EEF2K: variants seen among roughly 807,000 people sequenced by gnomAD.
The protein encoded by EEF2K is eukaryotic elongation factor 2 kinase, also known as alternative protein EEF2K.
In EEF2K, 70 loss-of-function variants were observed where a neutral mutation model predicts 93.8. That is an observed-to-expected ratio of 0.75 (90% CI 0.62 to 0.91). The LOEUF (loss-of-function observed/expected upper bound fraction) is 0.91, where lower values mean the gene tolerates loss of function less well. EEF2K is among the 40% of genes least tolerant of loss of function. The pLI is 0.00. For synonymous variants in EEF2K, 376 were observed against 380.8 expected (o/e 0.99, Z 0.15); for missense variants, 935 against 972.9 (o/e 0.96, Z 0.52).
intron 16 of EEF2K, among the ~76,000 whole-genome samples, chr16:22,276,071 C>A (rs1433160383): frequency 6.6e-6 from 1 of 152,090 alleles, no homozygotes; most frequent in East Asian, 1.9e-4. Context: ...AAGCCTCCTG[C>A]GTAGCTGGGA....
intron 17 of EEF2K, among the ~76,000 whole-genome samples, chr16:22,282,872 T>C (rs141658813): frequency 6.6e-6 from 1 of 152,344 alleles, no homozygotes; most frequent in African/African-American, 2.4e-5. Flanking sequence ...GTTCAACATA[T>C]GAATTTGTGG....
rs956373167 is a variant in EEF2K at position 22,227,041 on chromosome 16, T to C, written c.246+1066T>C. ...TGGTGAAACTCCATCTCTACTAAAA[T>C]ACAAAAAATTAGCCGGGTGTGGTGG... On this transcript the variant is annotated intron_variant, in intron 2 of 17. Coordinates refer to ENST00000263026, the MANE Select transcript of EEF2K (RefSeq NM_013302.5). 2.6e-5 allele frequency among the ~76,000 whole-genome samples: 4 copies of C among 151,904 alleles called. 1 individual carries two copies. The highest frequency in any genetic ancestry group is 6.6e-5 in the Admixed American group (1 of 15,244).
chr16:22,268,956 C>CA (rs528308134), intron 15 of EEF2K, among the ~76,000 whole-genome samples: 10,587 of 141,140 alleles, frequency 0.075, 1,202 homozygotes, highest in African/African-American at 0.25. Context: ...GACTCCATCT[C>CA]AAAAAAAAAA....
rs370323679 is a variant in EEF2K, at chr16:22,256,593, G to A, written c.619-155G>A. ...AAAGGAAAAGAGGAGATTAGATTCT[G>A]GGCATCATCAGGAGCTCCTACAATA... On this transcript the variant is annotated intron_variant, in intron 6 of 17. Coordinates refer to ENST00000263026, the MANE Select transcript of EEF2K (RefSeq NM_013302.5). Among the ~76,000 whole-genome samples, 20 of 152,166 alleles carry A rather than the reference G, an allele frequency of 1.3e-4. No individual in the cohort carries two copies. In the East Asian group the frequency reaches 2.3e-3, roughly 18 times the overall value.
chr16:22,284,049 T>TA lies in EEF2K; in HGVS notation c.*60dup, dbSNP rs1555476224. The TA allele has an allele frequency of 4.2e-6, 6 of 1,435,384 alleles. No homozygotes were observed. The highest frequency in any genetic ancestry group is 1.3e-5 in the South Asian group (1 of 79,324). 88.9% of individuals were successfully genotyped at this position (1,435,384 alleles called of 1,614,324 possible). A position where few individuals can be genotyped will look rare whatever the true frequency, so the allele number is the denominator to read the frequency against. The stretch of plus-strand genomic sequence containing the variant: ...AAGCAAACGGGCTAGGAGGAAAGAT[T>TA]AAAAAAACAACAACAACAACTTATT... On this transcript the variant is annotated 3_prime_UTR_variant, in exon 18 of 18. Coordinates refer to ENST00000263026, the MANE Select transcript of EEF2K (RefSeq NM_013302.5).
At chr16:22,276,378 A>T (rs2047635368) in intron 16 of EEF2K, among the ~76,000 whole-genome samples, 1 of 152,106 alleles carries the variant, frequency 6.6e-6, no homozygotes, top group South Asian at 2.1e-4. Context: ...ATTTAGTTAA[A>T]ATCTATCAAA....
At chr16:22,220,939 C>T (rs887889112) in intron 1 of EEF2K, among the ~76,000 whole-genome samples, 3 of 152,272 alleles carry the variant, frequency 2.0e-5, no homozygotes, top group East Asian at 1.9e-4. Flanking sequence ...GCAGAGTAGG[C>T]GCTGGGGCTG....
intron 15 of EEF2K, among the ~76,000 whole-genome samples, chr16:22,271,942 C>T (rs1000257391): frequency 7.2e-5 from 11 of 152,282 alleles, no homozygotes; most frequent in African/African-American, 2.6e-4. Context: ...CTGATGTGAG[C>T]GACCTCCTTC....
intron 1 of EEF2K, among the ~76,000 whole-genome samples, chr16:22,219,124 A>AG (rs1308596765): frequency 6.6e-6 from 1 of 152,064 alleles, no homozygotes; most frequent in African/African-American, 2.4e-5. Context: ...AGAGACCCCT[A>AG]GGAGGCTGGG....
At chr16:22,273,574 G>A (rs377658644) in intron 15 of EEF2K, 52 bp from the exon 16 acceptor site, 64 of 1,597,750 alleles carry the variant, frequency 4.0e-5, no homozygotes, top group East Asian at 2.0e-4. Context: ...GGCAGCCCTC[G>A]AGTGTAAGCC....
Position 22,222,039 on chromosome 16 carries a change from C to T in EEF2K, c.-76-3615C>T, listed in dbSNP as rs531723744. 6.6e-4 allele frequency among the ~76,000 whole-genome samples: 100 copies of T among 152,202 alleles called. 1 individual carries two copies. Among genetic ancestry groups the T allele is most frequent in the Non-Finnish European group, 5.9e-5 (4 of 68,014 alleles). ...GAGCCAAGATTGTGCCACCCCACTC[C>T]AGCCTGGGCAACAGAGCAAGACTCT... On this transcript the variant is annotated intron_variant, in intron 1 of 17. Transcript: ENST00000263026.
At position 22,244,685 on chromosome 16, in the gene EEF2K, AG is replaced by A. The variant is rs1269599538; in HGVS notation, c.303del (p.Glu101AspfsTer30). Reference sequence around the variant, plus strand: ...AAGCACATGCCCGACCCCTGGGCTGAGTTCCACCTGGAAGATATTGCCACCG... The same window carrying A: ...AAGCACATGCCCGACCCCTGGGCTGATTCCACCTGGAAGATATTGCCACCG... Reference protein sequence around the residue: ...KAKHMPDPWAEFHLEDIATER... With the variant: ...KAKHMPDPWAXFHLEDIATER... On this transcript the variant is annotated frameshift_variant, in exon 3 of 18. Coordinates refer to ENST00000263026, the MANE Select transcript of EEF2K (RefSeq NM_013302.5). LOFTEE classifies it high-confidence loss of function. 6.2e-7 allele frequency: 1 copy of A among 1,614,070 alleles called. No individual in the cohort carries two copies. The highest frequency in any genetic ancestry group is 8.5e-7 in the Non-Finnish European group (1 of 1,179,968).
intron 13 of EEF2K, 183 bp downstream of exon 13, chr16:22,265,063 G>A (rs2047504151): frequency 1.6e-6 from 1 of 626,148 alleles, no homozygotes; most frequent in Non-Finnish European, 2.7e-6. Context: ...GCAGGATGCT[G>A]GGGGATTTGT....
At chr16:22,231,002 C>G (rs1210000195) in intron 2 of EEF2K, among the ~76,000 whole-genome samples, 1 of 151,850 alleles carries the variant, frequency 6.6e-6, no homozygotes, top group Non-Finnish European at 1.5e-5. Context: ...GCCTTTGGCA[C>G]AAGCCTGGTC....
At chr16:22,253,166 C>A (rs2047367443) in intron 6 of EEF2K, among the ~76,000 whole-genome samples, 2 of 152,118 alleles carry the variant, frequency 1.3e-5, no homozygotes, top group South Asian at 4.1e-4. Context: ...TCATTTGAGC[C>A]CCTAGGGTGA....
chr16:22,230,938 C>G (rs958782823), intron 2 of EEF2K, among the ~76,000 whole-genome samples: 4 of 149,916 alleles, frequency 2.7e-5, no homozygotes, highest in African/African-American at 9.8e-5. Context: ...TGATTTCACT[C>G]TAAAACAGTG....
intron 1 of EEF2K, among the ~76,000 whole-genome samples, chr16:22,220,746 T>G (rs1213432378): frequency 6.6e-6 from 1 of 152,118 alleles, no homozygotes; most frequent in African/African-American, 2.4e-5. Context: ...CGCCTGGCCC[T>G]GGATCTGAGC....
chr16:22,283,407 T>C (rs527252021), intron 17 of EEF2K, among the ~76,000 whole-genome samples: 1 of 152,266 alleles, frequency 6.6e-6, no homozygotes, highest in African/African-American at 2.4e-5. Context: ...CTGAAGTATA[T>C]TTGTATGTTT....
At chr16:22,250,464 G>T (rs1161410423) in intron 4 of EEF2K, among the ~76,000 whole-genome samples, 190 bp from the exon 5 acceptor site, 1 of 152,062 alleles carries the variant, frequency 6.6e-6, no homozygotes, top group African/African-American at 2.4e-5. Context: ...CATCCTGGCA[G>T]CCTCTGGGTT....
Sources: gnomAD v4.1 joint callset for allele counts (sites outside exome capture counted in the v4.1 genomes callset) on GRCh38, gnomAD v4.1.1 for gene constraint, MANE v1.5 for transcripts, NCBI Gene and HGNC (gene_info 2026-07-23, HGNC 2026-07-21) for gene names.